The following NELL1 variants were observed in gnomAD, a reference collection of about 807,000 sequenced individuals.
NELL1 encodes protein kinase C-binding protein NELL1.
A neutral mutation model predicts 107.4 loss-of-function variants in NELL1; 76 were observed. That is an observed-to-expected ratio of 0.71 (90% confidence interval 0.59 to 0.86). The LOEUF (loss-of-function observed/expected upper bound fraction) is 0.86, where lower values mean the gene tolerates loss of function less well. Among genes scored for constraint, NELL1 ranks in the 40% least tolerant of loss-of-function variants. The pLI, the probability that NELL1 is intolerant of heterozygous loss-of-function variation, is 0.00. For synonymous variants in NELL1, 353 were observed against 341.2 expected, an observed-to-expected ratio of 1.03 and a Z score of -0.38; for missense variants, 1,024 against 1,005.5, an observed-to-expected ratio of 1.02 and a Z score of -0.25.
chr11:21,319,765 C>T (rs1471467661), intron 14 of NELL1, among the ~76,000 whole-genome samples: 4 of 151,714 alleles, frequency 2.6e-5, no homozygotes, highest in Non-Finnish European at 4.4e-5. Context: ...CTGGCTAACA[C>T]GGTGAAACCC....
chr11:21,221,675 A>G (rs1857760501), intron 13 of NELL1, among the ~76,000 whole-genome samples: 1 of 152,106 alleles, frequency 6.6e-6, no homozygotes, highest in Non-Finnish European at 1.5e-5. Flanking sequence ...GCATATAGCT[A>G]TCATAATAGT....
rs12574757 is a variant in NELL1, at chr11:21,446,522, T to C, written c.1645+75574T>C. On this transcript the variant is annotated intron_variant, in intron 15 of 19. Coordinates refer to ENST00000357134, the MANE Select transcript of NELL1 (RefSeq NM_006157.5). ...AGTATTCACAAGGCCTTGGGTATTA[T>C]AATCTAAGTTTTTTGTCAATGTAGC... Among the ~76,000 whole-genome samples the C allele has an allele frequency of 0.02, 2,991 of 152,248 alleles. 259 individuals carry two copies. The East Asian group carries it at 0.28, about 14-fold the overall frequency.
intron 13 of NELL1, among the ~76,000 whole-genome samples, chr11:21,157,161 A>ATGTGTGTG (rs58571261): frequency 6.7e-6 from 1 of 149,626 alleles, no homozygotes; most frequent in African/African-American, 2.5e-5. Flanking sequence ...ATATATATAT[A>ATGTGTGTG]TGTGTGTGTG....
In NELL1 at chr11:21,076,558, G is replaced by A. The variant is rs142271054; in HGVS notation, c.1301-37031G>A. Among the ~76,000 whole-genome samples the A allele has an allele frequency of 1.4e-3, 207 of 152,274 alleles. 4 individuals carry two copies. The East Asian group carries it at 0.029, about 21-fold the overall frequency. On this transcript the variant is annotated intron_variant, in intron 12 of 19. Coordinates refer to ENST00000357134, the MANE Select transcript of NELL1 (RefSeq NM_006157.5). The stretch of plus-strand genomic sequence containing the variant: ...CCAGGCAGTGGAGGTAAGAGAATAC[G>A]TTATCTCTAGCCAGCGGAGCTGTAT...
intron 12 of NELL1, among the ~76,000 whole-genome samples, chr11:21,074,922 C>T (rs1482623557): frequency 6.6e-6 from 1 of 152,058 alleles, no homozygotes; most frequent in Admixed American, 6.6e-5. Flanking sequence ...GAGAGAAATT[C>T]AGAGAATTCT....
At chr11:20,998,573 T>G (rs1400953186) in intron 12 of NELL1, among the ~76,000 whole-genome samples, 1 of 152,168 alleles carries the variant, frequency 6.6e-6, no homozygotes, top group Non-Finnish European at 1.5e-5. Flanking sequence ...ATTTATCATC[T>G]CTCCTAGGTG....
At chr11:20,732,097 CT>C (rs773591939) in intron 2 of NELL1, among the ~76,000 whole-genome samples, 2 of 151,870 alleles carry the variant, frequency 1.3e-5, no homozygotes, top group East Asian at 1.9e-4. Context: ...GTTTTGGAGT[CT>C]TTTTTTTCTC....
intron 2 of NELL1, among the ~76,000 whole-genome samples, chr11:20,782,398 CTG>C (rs1554919742): frequency 1.3e-5 from 2 of 152,142 alleles, no homozygotes; most frequent in Non-Finnish European, 2.9e-5. Flanking sequence ...ATGGGAAAGA[CTG>C]TGCTGTTCTT....
rs992835792 is a variant in NELL1, at chr11:20,672,981, C to A, written c.55+3203C>A. On this transcript the variant is annotated intron_variant, in intron 1 of 19. Coordinates refer to ENST00000357134, the MANE Select transcript of NELL1 (RefSeq NM_006157.5). The stretch of plus-strand genomic sequence containing the variant: ...ATTCTCCTGCCTCAGCCCCCCCCCC[C>A]CCCCCCGAGTAGCTGGGATTACAGG... 2.6e-4 allele frequency among the ~76,000 whole-genome samples: 28 copies of A among 106,292 alleles called. 1 individual carries two copies. The East Asian group carries it at 2.7e-3, about 10-fold the overall frequency. The allele number at this position is 106,292 out of a possible 152,430, so 69.7% of individuals were successfully genotyped here. A position where few individuals can be genotyped will look rare whatever the true frequency, so the allele number is the denominator to read the frequency against.
chr11:21,459,873 A>C (rs1387293431), intron 15 of NELL1, among the ~76,000 whole-genome samples: 3 of 152,148 alleles, frequency 2.0e-5, no homozygotes, highest in African/African-American at 7.2e-5. Flanking sequence ...TACAATCAGC[A>C]AAGGGCACAG....
At chr11:20,739,505 T>C (rs961930498) in intron 2 of NELL1, among the ~76,000 whole-genome samples, 2 of 152,156 alleles carry the variant, frequency 1.3e-5, no homozygotes, top group African/African-American at 2.4e-5. Context: ...CTGCCTGTAT[T>C]TACATTTTCT....
chr11:21,059,707 A>G (rs1853693601), intron 12 of NELL1, among the ~76,000 whole-genome samples: 1 of 152,260 alleles, frequency 6.6e-6, no homozygotes, highest in African/African-American at 2.4e-5. Context: ...ATAGGACCCC[A>G]GGAATAACAG....
At position 21,309,538 on chromosome 11, in the gene NELL1, C is replaced by A. The variant is rs144651975; in HGVS notation, c.1550-61315C>A. On this transcript the variant is annotated intron_variant, in intron 14 of 19. Coordinates refer to ENST00000357134, the MANE Select transcript of NELL1 (RefSeq NM_006157.5). ...AAGTTATTTTTAATCTTTCACTTTA[C>A]AAATACTAACTTATTCTTCATTCCA... 7.4e-3 allele frequency among the ~76,000 whole-genome samples: 1,129 copies of A among 151,736 alleles called. 23 individuals are homozygous for A. The highest frequency in any genetic ancestry group is 0.026 in the African/African-American group (1,079 of 41,406).
intron 2 of NELL1, among the ~76,000 whole-genome samples, chr11:20,750,997 T>C (rs185498672): frequency 3.4e-4 from 51 of 152,116 alleles, no homozygotes; most frequent in Middle Eastern, 3.4e-3. Context: ...TCCTATTTCA[T>C]TGACTTTGTC....
Position 20,681,957 on chromosome 11 carries a change from A to G in NELL1, c.184+3897A>G, listed in dbSNP as rs142356615. On this transcript the variant is annotated intron_variant, in intron 2 of 19. Coordinates refer to ENST00000357134, the MANE Select transcript of NELL1 (RefSeq NM_006157.5). ...CCTTCTGCCTTCCATTTTCCCTTAT[A>G]AGAAATCTTGTGATTATGTTGGAAC... 1.4e-4 allele frequency among the ~76,000 whole-genome samples: 21 copies of G among 152,174 alleles called. No individual in the cohort carries two copies. In the East Asian group the frequency reaches 3.5e-3, roughly 25 times the overall value.
At chr11:21,382,383 G>A (rs1323283359) in intron 15 of NELL1, among the ~76,000 whole-genome samples, 1 of 151,736 alleles carries the variant, frequency 6.6e-6, no homozygotes, top group East Asian at 1.9e-4. Context: ...CTCTGGCATG[G>A]GAAAAATCAG....
intron 14 of NELL1, among the ~76,000 whole-genome samples, chr11:21,305,542 AT>A (rs1282336847): frequency 6.6e-6 from 1 of 152,004 alleles, no homozygotes; most frequent in Non-Finnish European, 1.5e-5. Flanking sequence ...TAAAAAGAAT[AT>A]GATAAATAGC....
intron 15 of NELL1, among the ~76,000 whole-genome samples, chr11:21,497,783 A>G (rs1005557097): frequency 6.6e-6 from 1 of 152,066 alleles, no homozygotes; most frequent in Non-Finnish European, 1.5e-5. Context: ...ACAATAATTT[A>G]TGTCAGATTC....
At chr11:21,400,875 G>C (rs1246570250) in intron 15 of NELL1, among the ~76,000 whole-genome samples, 1 of 151,902 alleles carries the variant, frequency 6.6e-6, no homozygotes, top group Non-Finnish European at 1.5e-5. Context: ...ACAGCACTAG[G>C]CTTAGAAGGC....
Sources: gnomAD v4.1 joint callset for allele counts (sites outside exome capture counted in the v4.1 genomes callset) on GRCh38, gnomAD v4.1.1 for gene constraint, MANE v1.5 for transcripts, NCBI Gene and HGNC (gene_info 2026-07-23, HGNC 2026-07-21) for gene names.